The following PKHD1 variants were observed in gnomAD, a reference collection of about 807,000 sequenced individuals.
PKHD1 encodes the protein fibrocystin.
In PKHD1, 291 loss-of-function variants were observed where a neutral mutation model predicts 412.0. That is an observed-to-expected ratio of 0.71 (90% CI 0.64 to 0.78). PKHD1 has a LOEUF of 0.78. Ranked by LOEUF, PKHD1 falls within the 30% of genes least tolerant of loss-of-function variation. The probability of loss-of-function intolerance (pLI) is 0.00; values close to 1 mark genes in which losing one functional copy is unlikely to be tolerated. For missense variants in PKHD1, 4,825 were observed against 4,950.7 expected (o/e 0.97, Z 0.76); for synonymous variants, 1,777 against 1,821.5 (o/e 0.98, Z 0.62).
chr6:51,753,338 G>A lies in PKHD1; in HGVS notation c.8813C>T (p.Thr2938Met), dbSNP rs776068047. 5.3e-5 allele frequency: 85 copies of A among 1,613,330 alleles called. No individual in the cohort carries two copies. The highest frequency in any genetic ancestry group is 1.6e-4 in the Middle Eastern group (1 of 6,084). ...KHRHIGSVHVTEDGRHIRLAA... is the reference protein window; with the variant it reads ...KHRHIGSVHVMEDGRHIRLAA... ...CAAACGAATGTGTCGGCCATCCTCC[G>A]TGACATGTACACTTCCTGGGGCAAT... Residue 2938 changes from threonine (T) to methionine (M), a missense_variant, in exon 57 of 67, where the codon ACG becomes ATG. Coordinates refer to ENST00000371117, the MANE Select transcript of PKHD1 (RefSeq NM_138694.4).
intron 52 of PKHD1, among the ~76,000 whole-genome samples, chr6:51,813,548 A>AT (rs908055017): frequency 1.7e-4 from 26 of 151,116 alleles, no homozygotes; most frequent in Admixed American, 1.3e-3. Flanking sequence ...TATTTCCTAC[A>AT]TTTTTTTTTA....
chr6:52,008,848 C>T (rs1198349569), intron 35 of PKHD1, among the ~76,000 whole-genome samples: 3 of 152,198 alleles, frequency 2.0e-5, no homozygotes, highest in South Asian at 2.1e-4. Flanking sequence ...TATTCAAACC[C>T]GGGCAGTCTA....
chr6:51,950,197 T>C (rs1199483011), intron 36 of PKHD1, among the ~76,000 whole-genome samples: 1 of 68,554 alleles, frequency 1.5e-5, no homozygotes, highest in African/African-American at 5.5e-5. Context: ...TGCAGTCAAA[T>C]GGGCAATATA....
intron 35 of PKHD1, among the ~76,000 whole-genome samples, chr6:51,980,746 T>C (rs1340013494): frequency 6.6e-6 from 1 of 152,264 alleles, no homozygotes; most frequent in Non-Finnish European, 1.5e-5. Context: ...TGCAGAAATA[T>C]CTCATTACTT....
chr6:51,963,046 T>C lies in PKHD1; in HGVS notation c.5752-3020A>G, dbSNP rs138372084. Among the ~76,000 whole-genome samples, 653 of 152,158 alleles carry C rather than the reference T, an allele frequency of 4.3e-3. 8 individuals carry two copies. The highest frequency in any genetic ancestry group is 0.015 in the African/African-American group (623 of 41,540). ...ATCTTATACCTGCTGGTGCCATACA[T>C]GCTTTTACAGATATCACACACAAAC... On this transcript the variant is annotated intron_variant, in intron 35 of 66. Transcript: ENST00000371117.
intron 24 of PKHD1, among the ~76,000 whole-genome samples, 182 bp from the exon 25 acceptor site, chr6:52,045,270 C>T (rs1581923697): frequency 6.6e-6 from 1 of 152,136 alleles, no homozygotes; most frequent in Admixed American, 6.5e-5. Context: ...AGGAAAGTCC[C>T]AGTAGATTAG....
intron 50 of PKHD1, among the ~76,000 whole-genome samples, chr6:51,841,044 A>C (rs1230784875): frequency 1.3e-5 from 2 of 152,248 alleles, no homozygotes; most frequent in African/African-American, 4.8e-5. Context: ...TAATCAGACA[A>C]GAGGTATAAG....
chr6:51,997,962 T>C (rs891699240), intron 35 of PKHD1, among the ~76,000 whole-genome samples: 1 of 152,200 alleles, frequency 6.6e-6, no homozygotes, highest in African/African-American at 2.4e-5. Flanking sequence ...GAAAAACTAA[T>C]TAAAGACACC....
At chr6:51,982,405 G>GT (rs992758824) in intron 35 of PKHD1, among the ~76,000 whole-genome samples, 1 of 134,402 alleles carries the variant, frequency 7.4e-6, no homozygotes, top group Non-Finnish European at 1.6e-5. Context: ...AAATCAGATG[G>GT]TTGCCGGGTT....
In PKHD1 at chr6:51,739,561, C is replaced by T. The variant is rs186259813; in HGVS notation, c.10156+4824G>A. On this transcript the variant is annotated intron_variant, in intron 60 of 66. Transcript: ENST00000371117. The stretch of plus-strand genomic sequence containing the variant: ...TTTATTTGGAATTTTGTTTATGTAC[C>T]TCTGGAATTTTTATTTGTTTATGTA... Among the ~76,000 whole-genome samples, 1,012 of 152,198 alleles carry T rather than the reference C, an allele frequency of 6.6e-3. 8 individuals are homozygous for T. The highest frequency in any genetic ancestry group is 0.011 in the Non-Finnish European group (738 of 67,994).
At chr6:51,660,403 T>A (rs73440964) in intron 60 of PKHD1, among the ~76,000 whole-genome samples, 5,113 of 152,138 alleles carry the variant, frequency 0.034, 313 homozygotes, top group African/African-American at 0.12. Flanking sequence ...AATTCTCCAG[T>A]GGATACAAAC....
In PKHD1 at chr6:51,669,148, A is replaced by G. The variant is rs574368407; in HGVS notation, c.10157-9179T>C. 9.4e-4 allele frequency among the ~76,000 whole-genome samples: 143 copies of G among 152,278 alleles called. 2 individuals carry two copies. The highest frequency in any genetic ancestry group is 7.6e-3 in the Admixed American group (117 of 15,302). ...ACCAGTTCCTCCTTGTACCTCTGGT[A>G]GAATTCGGCTGTGAATCCATCTGGT... On this transcript the variant is annotated intron_variant, in intron 60 of 66. Coordinates refer to ENST00000371117, the MANE Select transcript of PKHD1 (RefSeq NM_138694.4).
chr6:51,914,728 G>A (rs1321639371), intron 37 of PKHD1, among the ~76,000 whole-genome samples: 2 of 151,934 alleles, frequency 1.3e-5, no homozygotes, highest in Non-Finnish European at 2.9e-5. Context: ...CCTACTTTAT[G>A]GTCTCTGATT....
intron 63 of PKHD1, among the ~76,000 whole-genome samples, chr6:51,643,001 G>A (rs184798721): frequency 6.6e-6 from 1 of 152,114 alleles, no homozygotes; most frequent in African/African-American, 2.4e-5. Context: ...ACAATGGGGA[G>A]GTGAGTTCCA....
chr6:51,630,561 T>C (rs1581746270), intron 65 of PKHD1, among the ~76,000 whole-genome samples: 1 of 152,298 alleles, frequency 6.6e-6, no homozygotes, highest in East Asian at 1.9e-4. Context: ...TTAATGGATA[T>C]AGAACCCACA....
chr6:51,808,589 T>C (rs574439637), intron 52 of PKHD1, among the ~76,000 whole-genome samples: 5 of 152,156 alleles, frequency 3.3e-5, no homozygotes, highest in Non-Finnish European at 5.9e-5. Flanking sequence ...ATGTAATTTT[T>C]TTCTGCTGAC....
rs398124499 is a variant in PKHD1, at chr6:52,065,978, G to A, written c.878C>T (p.Ala293Val). The A allele has an allele frequency of 4.1e-6, 6 of 1,453,636 alleles. No individual in the cohort carries two copies. The highest frequency in any genetic ancestry group is 5.8e-6 in the Non-Finnish European group (6 of 1,033,932). The allele number at this position is 1,453,636 out of a possible 1,614,324, so 90.0% of individuals were successfully genotyped here. ...FFDNSAQVTI[A>V]GIPCDIRHVS... ...TTCAGCCATTTCATCATAGTTACCT[G>A]CAATGGTAACCTGGGCAGAATTGTC... The change falls in exon 12 of 67, where the codon GCA (alanine) becomes GTA (valine). Residue 293 changes from alanine (A) to valine (V), a missense_variant and splice_region_variant. Transcript: ENST00000371117.
At chr6:52,068,258 T>C (rs1810051048) in intron 11 of PKHD1, among the ~76,000 whole-genome samples, 1 of 152,166 alleles carries the variant, frequency 6.6e-6, no homozygotes, top group Non-Finnish European at 1.5e-5. Flanking sequence ...CCAGGGCTCT[T>C]CATGGCTGTC....
intron 52 of PKHD1, among the ~76,000 whole-genome samples, chr6:51,792,041 T>C (rs1294221722): frequency 1.3e-5 from 2 of 152,204 alleles, no homozygotes; most frequent in African/African-American, 4.8e-5. Flanking sequence ...ATTTTTACTG[T>C]TGTCCCTTAG....
Sources: allele counts gnomAD v4.1 joint callset (sites outside exome capture counted in the v4.1 genomes callset), GRCh38; gene constraint gnomAD v4.1.1; transcripts MANE v1.5; gene names NCBI Gene and HGNC (gene_info 2026-07-23, HGNC 2026-07-21).